The following ATRX variants were observed in gnomAD, a reference collection of about 807,000 sequenced individuals.
ATRX encodes chromatin remodeler ATRX.
Under a neutral mutation model 172.6 loss-of-function variants are expected in ATRX, and 12 were observed. The ratio of observed to expected loss-of-function variants is 0.07; its 90% confidence interval spans 0.04 to 0.11. The LOEUF (loss-of-function observed/expected upper bound fraction) is 0.11. Among genes scored for constraint, ATRX ranks in the 10% least tolerant of loss-of-function variants. The probability of loss-of-function intolerance (pLI) is 1.00; values close to 1 mark genes in which losing one functional copy is unlikely to be tolerated. For missense variants in ATRX, 1,368 were observed against 1,767.4 expected, an observed-to-expected ratio of 0.77 and a Z score of 4.05; for synonymous variants, 674 against 594.7, an observed-to-expected ratio of 1.13 and a Z score of -1.94.
chrX:77,716,109 AATTTTTTTT>A (rs2073366683), intron 2 of ATRX, among the ~76,000 whole-genome samples: 1 of 67,954 alleles, frequency 1.5e-5, no homozygotes, highest in African/African-American at 6.5e-5. Context: ...TGTCTCTAAA[AATTTTTTTT>A]TTTTTTTTTT....
chrX:77,695,914 A>G (rs1459478927), intron 5 of ATRX, among the ~76,000 whole-genome samples: 1 of 111,670 alleles, frequency 9.0e-6, no homozygotes, highest in Non-Finnish European at 1.9e-5. Flanking sequence ...AAAATCTAAA[A>G]TTTGACTCTT....
At chrX:77,769,494 G>A (rs971318753) in intron 1 of ATRX, among the ~76,000 whole-genome samples, 42 of 110,475 alleles carry the variant, frequency 3.8e-4, no homozygotes, top group African/African-American at 1.3e-3. Context: ...TCACCATGTT[G>A]GCCAGGCTGG....
chrX:77,584,956 T>C (rs1658569102), intron 27 of ATRX, among the ~76,000 whole-genome samples: 1 of 111,350 alleles, frequency 9.0e-6, no homozygotes, highest in Admixed American at 9.5e-5. Flanking sequence ...CAAACAACTC[T>C]ACAGGAAAAA....
At chrX:77,625,536 ACAAAT>A (rs1221204618) in intron 19 of ATRX, among the ~76,000 whole-genome samples, 1 of 112,668 alleles carries the variant, frequency 8.9e-6, no homozygotes, top group East Asian at 2.8e-4. Flanking sequence ...ATGAACTCAA[ACAAAT>A]CAGTAAGAAA....
chrX:77,600,493 T>C lies in ATRX; in HGVS notation c.5638A>G (p.Ser1880Gly). The C allele has an allele frequency of 8.3e-7, 1 of 1,210,540 alleles. No individual in the cohort carries two copies. Among genetic ancestry groups the C allele is most frequent in the Non-Finnish European group, 1.1e-6 (1 of 894,415 alleles). Residue 1880 changes from serine to glycine, a missense_variant, in exon 23 of 35, where the codon AGT (serine) becomes GGT (glycine). Coordinates refer to ENST00000373344, the MANE Select transcript of ATRX (RefSeq NM_000489.6). ...AKLFQDFQML[S>G]RIWTHPWCLQ... ...CACCAAGGATGAGTCCATATTCTACTTAACATCTGAAAATCTTGGAAAAGC... is the reference window on the plus strand; with the variant it reads ...CACCAAGGATGAGTCCATATTCTACCTAACATCTGAAAATCTTGGAAAAGC...
chrX:77,701,974 G>C (rs1329563345), intron 2 of ATRX, among the ~76,000 whole-genome samples: 2 of 110,933 alleles, frequency 1.8e-5, no homozygotes, highest in African/African-American at 3.3e-5. Context: ...GCTGAGGTAG[G>C]AAAGTCACTT....
rs2062687407 is a variant in ATRX, at chrX:77,505,279, T to C, written c.*3072A>G. 1 of 172,858 alleles carries C rather than the reference T, an allele frequency of 5.8e-6. No individual in the cohort carries two copies. The highest frequency in any genetic ancestry group is 3.0e-5 in the African/African-American group (1 of 33,787). 14.2% of individuals were successfully genotyped at this position (172,858 alleles called of 1,213,427 possible). The stretch of plus-strand genomic sequence containing the variant: ...CATAAATATCGATCTGATTTTATGA[T>C]AATGGAGGGAAAATGAACATAGCTA... On this transcript the variant is annotated 3_prime_UTR_variant, in exon 35 of 35. Coordinates refer to ENST00000373344, the MANE Select transcript of ATRX (RefSeq NM_000489.6).
chrX:77,741,148 G>A (rs2074849463), intron 1 of ATRX, among the ~76,000 whole-genome samples: 4 of 110,524 alleles, frequency 3.6e-5, no homozygotes, highest in Non-Finnish European at 7.6e-5. Context: ...GGGAGATCAA[G>A]GCTGCAGTGA....
chrX:77,768,666 T>C (rs1375425905), intron 1 of ATRX, among the ~76,000 whole-genome samples: 2 of 111,500 alleles, frequency 1.8e-5, no homozygotes, highest in African/African-American at 6.5e-5. Context: ...TCTTACAAAA[T>C]AGAGACAGAA....
Position 77,750,511 on chromosome X carries a change from C to T in ATRX, c.21-33268G>A, listed in dbSNP as rs782683564. ...CATATTTTATTAACGCGCATAGTAA[C>T]TTCCATATCTTTTTTTTTTTACTTT... On this transcript the variant is annotated intron_variant, in intron 1 of 34. Transcript: ENST00000373344. Among the ~76,000 whole-genome samples, 21 of 110,900 alleles carry T rather than the reference C, an allele frequency of 1.9e-4. No homozygotes were observed. In the Admixed American group the frequency reaches 2.0e-3, roughly 11 times the overall value.
intron 28 of ATRX, among the ~76,000 whole-genome samples, chrX:77,570,361 G>C (rs1602589098): frequency 9.3e-6 from 1 of 107,397 alleles, no homozygotes; most frequent in East Asian, 2.9e-4. Flanking sequence ...TTTTTTTAGA[G>C]ACAGGGTCTC....
intron 1 of ATRX, among the ~76,000 whole-genome samples, chrX:77,725,313 T>C (rs781896455): frequency 1.8e-5 from 2 of 111,305 alleles, no homozygotes; most frequent in East Asian, 5.6e-4. Context: ...TCAGAAATAA[T>C]ACCACACATC....
chrX:77,507,195 C>CA lies in ATRX; in HGVS notation c.*1155dup. The CA allele has an allele frequency of 6.0e-6, 1 of 167,535 alleles. No individual in the cohort carries two copies. The allele number at this position is 167,535 out of a possible 1,213,427, so 13.8% of individuals were successfully genotyped here. On this transcript the variant is annotated 3_prime_UTR_variant, in exon 35 of 35. Coordinates refer to ENST00000373344, the MANE Select transcript of ATRX (RefSeq NM_000489.6). ...CTCACAATCTAAACTAAAAAAAAAA[C>CA]AAACTCTGAAACAATTTAAAAAAAT... is the stretch of plus-strand genomic sequence containing the variant.
chrX:77,702,619 G>GAA (rs1245678492), intron 2 of ATRX, among the ~76,000 whole-genome samples: 1 of 106,668 alleles, frequency 9.4e-6, no homozygotes, highest in Non-Finnish European at 1.9e-5. Context: ...GAAATAATTT[G>GAA]AAAAAAAAAG....
chrX:77,514,855 G>C (rs1216888344), intron 34 of ATRX, among the ~76,000 whole-genome samples: 1 of 112,171 alleles, frequency 8.9e-6, no homozygotes, highest in South Asian at 3.7e-4. Context: ...GAAAAGTTTT[G>C]CAAACTATCC....
At chrX:77,603,968 T>C (rs1182160520) in intron 22 of ATRX, among the ~76,000 whole-genome samples, 2 of 111,809 alleles carry the variant, frequency 1.8e-5, no homozygotes, top group Non-Finnish European at 3.8e-5. Flanking sequence ...TCTAACCATA[T>C]GCAAAAATCA....
intron 7 of ATRX, among the ~76,000 whole-genome samples, chrX:77,685,679 C>T (rs1479051402): frequency 5.4e-5 from 6 of 111,509 alleles, no homozygotes; most frequent in African/African-American, 2.0e-4. Context: ...TCCAGCAATC[C>T]ACCTGCTGAG....
intron 26 of ATRX, among the ~76,000 whole-genome samples, chrX:77,590,529 G>A (rs1206264919): frequency 9.4e-6 from 1 of 105,965 alleles, no homozygotes; most frequent in Non-Finnish European, 1.9e-5. Context: ...GGAGAATGGC[G>A]TGAACCCAGG....
At chrX:77,721,493 CA>C (rs1376606462) in intron 1 of ATRX, among the ~76,000 whole-genome samples, 1 of 112,014 alleles carries the variant, frequency 8.9e-6, no homozygotes, top group Non-Finnish European at 1.9e-5. Flanking sequence ...GATACAAAAT[CA>C]ATGTGCAAAA....
Sources: gnomAD v4.1 joint callset for allele counts (sites outside exome capture counted in the v4.1 genomes callset) on GRCh38, gnomAD v4.1.1 for gene constraint, MANE v1.5 for transcripts, NCBI Gene and HGNC (gene_info 2026-07-23, HGNC 2026-07-21) for gene names.